The following PKNOX1 variants were observed in gnomAD, a reference collection of about 807,000 sequenced individuals.
PKNOX1 encodes PBX/knotted 1 homeobox 1.
Under a neutral mutation model 51.9 loss-of-function variants are expected in PKNOX1, and 15 were observed. The observed-to-expected ratio is 0.29, with a 90% CI of 0.19 to 0.45. The LOEUF (loss-of-function observed/expected upper bound fraction) is 0.45. PKNOX1 is among the 20% of genes least tolerant of loss of function. The pLI, the probability that PKNOX1 is intolerant of heterozygous loss-of-function variation, is 1.00. For missense variants in PKNOX1, 462 were observed against 547.5 expected, an observed-to-expected ratio of 0.84 and a Z score of 1.56; for synonymous variants, 219 against 211.1, an observed-to-expected ratio of 1.04 and a Z score of -0.32.
In PKNOX1 at chr21:43,013,254, G is replaced by A. The variant is rs1289668905; in HGVS notation, c.522+16G>A. On this transcript the variant is annotated intron_variant, in intron 5 of 10. Transcript: ENST00000291547. ...GCAGTCCCAGGTACTTACATTTGGGGGTCTCGCTTTCCCTCTCTGCCACTG... is the reference window on the plus strand; with the variant it reads ...GCAGTCCCAGGTACTTACATTTGGGAGTCTCGCTTTCCCTCTCTGCCACTG... 3.9e-6 allele frequency: 6 copies of A among 1,549,562 alleles called. No individual in the cohort carries two copies. In the Admixed American group the frequency reaches 5.9e-5, roughly 15 times the overall value.
At chr21:42,977,031 T>A (rs1178826248) in intron 1 of PKNOX1, among the ~76,000 whole-genome samples, 1 of 152,224 alleles carries the variant, frequency 6.6e-6, no homozygotes, top group Admixed American at 6.5e-5. Flanking sequence ...TGTGTACATC[T>A]CCATCAGAGC....
At chr21:43,028,644 C>A (rs1980085307) in intron 9 of PKNOX1, 58 bp from the exon 10 acceptor site, 2 of 1,503,962 alleles carry the variant, frequency 1.3e-6, no homozygotes, top group Non-Finnish European at 1.8e-6. Context: ...ATTTGTTAAT[C>A]CTGTATAGGG....
At chr21:42,975,052 C>T (rs1359028491) in intron 1 of PKNOX1, among the ~76,000 whole-genome samples, 1 of 141,102 alleles carries the variant, frequency 7.1e-6, no homozygotes, top group Non-Finnish European at 1.6e-5. Context: ...CGGCGCGGGG[C>T]GGGGGCGCGC....
In PKNOX1 at chr21:43,004,451, C is replaced by G. The variant is rs1384878474; in HGVS notation, c.51+19C>G. ...GCAACAGGTGAGCTTGAACTTGATTCTGCATTCTAATTACAAATCAACCTG... is the reference window on the plus strand; with the variant it reads ...GCAACAGGTGAGCTTGAACTTGATTGTGCATTCTAATTACAAATCAACCTG... On this transcript the variant is annotated intron_variant, in intron 2 of 10. Transcript: ENST00000291547. 1 of 1,550,706 alleles carries G rather than the reference C, an allele frequency of 6.4e-7. No homozygotes were observed. The highest frequency in any genetic ancestry group is 1.1e-5 in the South Asian group (1 of 89,794).
At chr21:43,017,143 C>T in intron 6 of PKNOX1, 136 bp downstream of exon 6, 1 of 511,320 alleles carries the variant, frequency 2.0e-6, no homozygotes, top group Non-Finnish European at 3.5e-6. Context: ...CTAGAGGTCT[C>T]TGAATGCCTC....
rs548451240 is a variant in PKNOX1 at position 43,016,975 on chromosome 21, A to G, written c.590A>G (p.Gln197Arg). 1.2e-6 allele frequency: 2 copies of G among 1,613,074 alleles called. No homozygotes were observed. The highest frequency in any genetic ancestry group is 4.5e-5 in the East Asian group (2 of 44,888). The change falls in exon 6 of 11, where the codon CAG becomes CGG. Residue 197 changes from glutamine to arginine, a missense_variant. Gln to Arg is a conservative substitution (Grantham distance 43). Around this residue, in one of 5 missense-constraint regions of PKNOX1, gnomAD observed 126 missense variants for 128.1 expected, o/e 0.98. Transcript: ENST00000291547. Reference sequence around the variant, plus strand: ...ATTGTGGTGCCGGCGTCCGCGCTGCAGCAGGGAAACGTAGCCATGGCGACG... The same window carrying G: ...ATTGTGGTGCCGGCGTCCGCGCTGCGGCAGGGAAACGTAGCCATGGCGACG... ...QGIVVPASAL[Q>R]QGNVAMATVA...
chr21:42,974,701 C>CCGCTCTCGCCGCCGCCGT, intron 1 of PKNOX1, 37 bp downstream of exon 1: 1 of 167,346 alleles, frequency 6.0e-6, no homozygotes, highest in South Asian at 1.7e-4. Flanking sequence ...GCCGCCGCCG[C>CCGCTCTCGCCGCCGCCGT]CGCTCTCGCC....
Position 43,021,407 on chromosome 21 carries a change from G to T in PKNOX1, c.825G>T (p.Arg275=), listed in dbSNP as rs1568903512. ...VLPKHATNVM[R]SWLFQHIGHP... ...CAAAGCATGCCACGAACGTGATGCG[G>T]TCCTGGCTCTTCCAGCACATCGGGG... Residue 275 remains arginine, a synonymous_variant, in exon 8 of 11, where the codon CGG becomes CGT. Coordinates refer to ENST00000291547, the MANE Select transcript of PKNOX1 (RefSeq NM_004571.5). This position sits in a 1 kb window ranked among gnomAD's most constrained non-coding sequence, Gnocchi z 4.6. The T allele has an allele frequency of 6.2e-7, 1 of 1,611,270 alleles. No homozygotes were observed. Among genetic ancestry groups the T allele is most frequent in the African/African-American group, 1.3e-5 (1 of 74,880 alleles).
chr21:43,028,059 C>G (rs547785490), intron 9 of PKNOX1, among the ~76,000 whole-genome samples: 1 of 152,234 alleles, frequency 6.6e-6, no homozygotes, highest in Non-Finnish European at 1.5e-5. Flanking sequence ...CTGCTGGTGC[C>G]TACGTGCTGT....
chr21:42,996,640 T>A (rs1205171484), intron 1 of PKNOX1, among the ~76,000 whole-genome samples: 1 of 152,208 alleles, frequency 6.6e-6, no homozygotes, highest in African/African-American at 2.4e-5. Flanking sequence ...TTCTCAGATG[T>A]GTTTGCTGCA....
chr21:43,009,998 C>T (rs1979176956), intron 3 of PKNOX1, 55 bp from the exon 4 acceptor site: 1 of 1,175,692 alleles, frequency 8.5e-7, no homozygotes, highest in Non-Finnish European at 1.2e-6. Flanking sequence ...CACGCAAAGA[C>T]ATTCTCACGG....
intron 1 of PKNOX1, among the ~76,000 whole-genome samples, chr21:42,997,386 T>TA (rs1978554799): frequency 6.6e-6 from 1 of 152,164 alleles, no homozygotes; most frequent in Non-Finnish European, 1.5e-5. Flanking sequence ...CTAACAGTCA[T>TA]AAAAATTAAA....
intron 1 of PKNOX1, among the ~76,000 whole-genome samples, chr21:43,000,617 C>A (rs1396689539): frequency 6.6e-6 from 1 of 152,112 alleles, no homozygotes; most frequent in Non-Finnish European, 1.5e-5. Flanking sequence ...CACAGCTAAA[C>A]CATATCACAC....
chr21:43,025,104 C>T (rs1422186144), intron 9 of PKNOX1, among the ~76,000 whole-genome samples, 157 bp downstream of exon 9: 1 of 152,140 alleles, frequency 6.6e-6, no homozygotes, highest in Non-Finnish European at 1.5e-5. Flanking sequence ...CCAGGCTGGT[C>T]TCGAACTCCT....
chr21:43,031,274 G>A lies in PKNOX1; in HGVS notation c.*1173G>A, dbSNP rs944713234. Reference sequence around the variant, plus strand: ...ATTCAGACTTTATTACTTAACTAGCGGACATCCCTGGAGTCCCAGCAGCGA... The same window carrying A: ...ATTCAGACTTTATTACTTAACTAGCAGACATCCCTGGAGTCCCAGCAGCGA... On this transcript the variant is annotated 3_prime_UTR_variant, in exon 11 of 11. Coordinates refer to ENST00000291547, the MANE Select transcript of PKNOX1 (RefSeq NM_004571.5). 3.9e-5 allele frequency: 6 copies of A among 152,598 alleles called. No homozygotes were observed. Among genetic ancestry groups the A allele is most frequent in the Non-Finnish European group, 7.3e-5 (5 of 68,036 alleles). The allele number at this position is 152,598 out of a possible 1,614,324, so 9.5% of individuals were successfully genotyped here.
intron 1 of PKNOX1, among the ~76,000 whole-genome samples, chr21:42,976,304 T>C (rs941939328): frequency 6.6e-6 from 1 of 152,248 alleles, no homozygotes; most frequent in African/African-American, 2.4e-5. Flanking sequence ...ATACTAATGA[T>C]CATCTGAGCC....
chr21:43,027,829 T>A (rs544621709), intron 9 of PKNOX1, among the ~76,000 whole-genome samples: 1 of 152,254 alleles, frequency 6.6e-6, no homozygotes, highest in Admixed American at 6.5e-5. Context: ...GGCAGCAGAA[T>A]CGCTTAAACC....
In PKNOX1 at chr21:43,021,465, C is replaced by A. The variant is rs748592597; in HGVS notation, c.849+34C>A. On this transcript the variant is annotated intron_variant, in intron 8 of 10. Coordinates refer to ENST00000291547, the MANE Select transcript of PKNOX1 (RefSeq NM_004571.5). This position sits in a 1 kb window ranked among gnomAD's most constrained non-coding sequence, Gnocchi z 4.6. ...GGCTGGGCCAGCCCTTGCCTTGCAGCCCTCTGCGACGCTTGCTCTCTGGCT... is the reference window on the plus strand; with the variant it reads ...GGCTGGGCCAGCCCTTGCCTTGCAGACCTCTGCGACGCTTGCTCTCTGGCT... 5 of 1,562,028 alleles carry A rather than the reference C, an allele frequency of 3.2e-6. No homozygotes were observed. The South Asian group carries it at 5.9e-5, about 18-fold the overall frequency.
chr21:42,991,943 C>T (rs1178917969), intron 1 of PKNOX1, among the ~76,000 whole-genome samples: 2 of 152,334 alleles, frequency 1.3e-5, no homozygotes, highest in South Asian at 2.1e-4. Context: ...CAAGCTGGAT[C>T]ATGCCACTGC....
Sources: allele counts gnomAD v4.1 joint callset (sites outside exome capture counted in the v4.1 genomes callset), GRCh38; gene constraint gnomAD v4.1.1; regional missense constraint gnomAD v4.1.1; non-coding constraint Gnocchi (gnomAD v3.1); transcripts MANE v1.5; gene names NCBI Gene and HGNC (gene_info 2026-07-23, HGNC 2026-07-21).